NDUFAF6: variants seen among roughly 807,000 people sequenced by gnomAD.
NDUFAF6 encodes NADH dehydrogenase (ubiquinone) complex I, assembly factor 6.
NDUFAF6 carries 45 observed loss-of-function variants against 40.8 expected under a neutral mutation model. That is an observed-to-expected ratio of 1.10 (90% CI 0.87 to 1.42). The LOEUF (loss-of-function observed/expected upper bound fraction) is 1.42. Ranked by LOEUF, NDUFAF6 falls within the 40% of genes most tolerant of loss-of-function variation. NDUFAF6 has a pLI of 0.00. For synonymous variants in NDUFAF6, 185 were observed against 155.9 expected (o/e 1.19, Z -1.39); for missense variants, 435 against 418.5 (o/e 1.04, Z -0.34).
At position 95,063,751 on chromosome 8, in the gene NDUFAF6, G is replaced by A. The variant is rs565471565; in HGVS notation, c.*511+11521G>A. On this transcript the variant is annotated intron_variant and NMD_transcript_variant, in intron 9 of 9. Transcript: ENST00000520757. The stretch of plus-strand genomic sequence containing the variant: ...GCCTACATAATGAATTTCTCAGGGA[G>A]TAAGTTCAAGAGCTTTTTTTTTAAA... Among the ~76,000 whole-genome samples the A allele has an allele frequency of 3.9e-5, 6 of 152,228 alleles. No homozygotes were observed. The South Asian group carries it at 1.2e-3, about 32-fold the overall frequency.
intron 1 of NDUFAF6, chr8:94,940,986 G>GT: frequency 6.8e-7 from 1 of 1,478,922 alleles, no homozygotes; most frequent in Non-Finnish European, 9.4e-7. Flanking sequence ...TTTTATAGCT[G>GT]AGATTTCAAA....
chr8:94,910,414 A>G (rs1427355505), intron 1 of NDUFAF6, among the ~76,000 whole-genome samples: 1 of 152,184 alleles, frequency 6.6e-6, no homozygotes, highest in Admixed American at 6.5e-5. Context: ...TGGCCTCCCA[A>G]AGTGCTGGGA....
chr8:95,106,868 C>A (rs534654564), downstream of NDUFAF6, among the ~76,000 whole-genome samples: 1 of 152,220 alleles, frequency 6.6e-6, no homozygotes, highest in African/African-American at 2.4e-5. Flanking sequence ...ATGTGGCCAA[C>A]AAACATATGA....
downstream of NDUFAF6, among the ~76,000 whole-genome samples, chr8:95,107,289 T>A (rs1809867541): frequency 1.3e-5 from 2 of 152,208 alleles, no homozygotes; most frequent in South Asian, 4.1e-4. Context: ...CATGGAATAC[T>A]ATACAGCCAT....
intron 5 of NDUFAF6, 71 bp from the exon 6 acceptor site, chr8:95,046,923 C>A (rs916128430): frequency 6.3e-7 from 1 of 1,597,152 alleles, no homozygotes; most frequent in African/African-American, 1.3e-5. Flanking sequence ...TAGGTTATTT[C>A]TCTATGCTAT....
chr8:95,063,049 GAA>G (rs1832609924), downstream of NDUFAF6, among the ~76,000 whole-genome samples: 1 of 152,220 alleles, frequency 6.6e-6, no homozygotes, highest in Non-Finnish European at 1.5e-5. Flanking sequence ...AAGTGAGGAA[GAA>G]GTGAGGCTGG....
intron 1 of NDUFAF6, among the ~76,000 whole-genome samples, chr8:94,904,970 C>T (rs1157751957): frequency 1.3e-5 from 2 of 152,132 alleles, no homozygotes; most frequent in East Asian, 3.9e-4. Flanking sequence ...GAGGCCAAGG[C>T]GGGCGGATTA....
chr8:94,957,968 A>T (rs1823224801), upstream of NDUFAF6: 1 of 152,186 alleles, frequency 6.6e-6, no homozygotes, highest in African/African-American at 2.4e-5. Context: ...CATCCAACAA[A>T]CCCTATGTCT....
Position 95,057,970 on chromosome 8 carries a change from C to A in NDUFAF6, c.*33C>A. On this transcript the variant is annotated 3_prime_UTR_variant, in exon 9 of 9. Coordinates refer to ENST00000396124, the MANE Select transcript of NDUFAF6 (RefSeq NM_152416.4). ...TCATGGCATTGATGTTAATTCTAGT[C>A]TATTAGTTTTATAAAAGTTAGGATT... 1.3e-6 allele frequency: 2 copies of A among 1,503,646 alleles called. No homozygotes were observed. Among genetic ancestry groups the A allele is most frequent in the South Asian group, 1.2e-5 (1 of 85,662 alleles). The allele number at this position is 1,503,646 out of a possible 1,614,324, so 93.1% of individuals were successfully genotyped here. A position where few individuals can be genotyped will look rare whatever the true frequency, so the allele number is the denominator to read the frequency against.
chr8:95,013,627 G>T (rs1312963214), intron 2 of NDUFAF6, among the ~76,000 whole-genome samples: 1 of 152,200 alleles, frequency 6.6e-6, no homozygotes, highest in Non-Finnish European at 1.5e-5. Flanking sequence ...TTTAAGTGCC[G>T]TGGGTATAAC....
At chr8:95,097,222 T>C (rs1180622897), upstream of NDUFAF6, among the ~76,000 whole-genome samples, 3 of 152,208 alleles carry the variant, frequency 2.0e-5, no homozygotes, top group African/African-American at 7.2e-5. Context: ...TGGAGAATGG[T>C]GTAGGCTTCA....
chr8:94,895,944 C>T (rs78578254), intron 1 of NDUFAF6: 11,003 of 152,760 alleles, frequency 0.072, 474 homozygotes, highest in African/African-American at 0.081. Flanking sequence ...ATCAACCCTG[C>T]TTTCCGGCTC....
At chr8:94,930,631 G>A in intron 1 of NDUFAF6, 1 of 1,614,208 alleles carries the variant, frequency 6.2e-7, no homozygotes, top group African/African-American at 1.3e-5. Flanking sequence ...CACTGGGAAG[G>A]GCGAAAGCTC....
At chr8:95,115,659 C>T (rs1433233680) in exon 5 of NDUFAF6, 2 of 152,154 alleles carry the variant, frequency 1.3e-5, no homozygotes, top group Non-Finnish European at 2.9e-5. Flanking sequence ...AACTTTGACT[C>T]AGTCGAGGCT....
At chr8:95,041,029 G>C (rs1403152292) in intron 3 of NDUFAF6, 1 of 152,246 alleles carries the variant, frequency 6.6e-6, no homozygotes, top group Non-Finnish European at 1.5e-5. Context: ...TCGAGGAGTG[G>C]TTATTTTTGC....
At chr8:94,998,379 TACAC>T (rs200968954) in intron 2 of NDUFAF6, among the ~76,000 whole-genome samples, 6,456 of 138,310 alleles carry the variant, frequency 0.047, 198 homozygotes, top group African/African-American at 0.079. Context: ...TGCAATCAAA[TACAC>T]ACACACACAC....
chr8:94,932,271 T>C (rs1820485151), intron 1 of NDUFAF6, among the ~76,000 whole-genome samples: 1 of 152,120 alleles, frequency 6.6e-6, no homozygotes, highest in Admixed American at 6.5e-5. Context: ...TCAAAAACAA[T>C]ACTTATAAAG....
chr8:94,989,161 T>C (rs1374912344), intron 2 of NDUFAF6: 1 of 152,074 alleles, frequency 6.6e-6, no homozygotes, highest in Non-Finnish European at 1.5e-5. Flanking sequence ...CTCAATAAAG[T>C]TGTTCAAAAA....
At chr8:95,021,416 G>C (rs2131699033), upstream of NDUFAF6, among the ~76,000 whole-genome samples, 1 of 152,326 alleles carries the variant, frequency 6.6e-6, no homozygotes, top group African/African-American at 2.4e-5. Flanking sequence ...TTATGCAATA[G>C]AATTGTGGAT....
Sources: allele counts gnomAD v4.1 joint callset (sites outside exome capture counted in the v4.1 genomes callset), GRCh38; gene constraint gnomAD v4.1.1; transcripts MANE v1.5; gene names NCBI Gene and HGNC (gene_info 2026-07-23, HGNC 2026-07-21).